GRM3: variants seen among roughly 807,000 people sequenced by gnomAD.
GRM3 encodes the protein glutamate metabotropic receptor 3.
GRM3 carries 26 observed loss-of-function variants against 70.5 expected under a neutral mutation model. The observed-to-expected ratio is 0.37, with a 90% CI of 0.27 to 0.51. The LOEUF is 0.51. Ranked by LOEUF, GRM3 falls within the 20% of genes least tolerant of loss-of-function variation. GRM3 has a pLI of 0.93. For synonymous variants in GRM3, 443 were observed against 434.9 expected, an observed-to-expected ratio of 1.02 and a Z score of -0.23; for missense variants, 859 against 1,123.8, an observed-to-expected ratio of 0.76 and a Z score of 3.37.
At chr7:86,730,962 C>G (rs929128166) in intron 1 of GRM3, among the ~76,000 whole-genome samples, 1 of 152,064 alleles carries the variant, frequency 6.6e-6, no homozygotes, top group Non-Finnish European at 1.5e-5. Flanking sequence ...TTGAATGTCC[C>G]TGCTCTGTCT....
intron 4 of GRM3, among the ~76,000 whole-genome samples, chr7:86,847,834 G>T (rs1798684154): frequency 6.6e-6 from 1 of 152,176 alleles, no homozygotes; most frequent in Admixed American, 6.5e-5. Flanking sequence ...GAAGGAACTG[G>T]ATAACTGAAA....
chr7:86,700,849 T>C (rs1057309265), intron 1 of GRM3, among the ~76,000 whole-genome samples: 2 of 151,982 alleles, frequency 1.3e-5, no homozygotes, highest in Non-Finnish European at 2.9e-5. Flanking sequence ...TGTTCTGAGA[T>C]AGACTTATAA....
intron 1 of GRM3, among the ~76,000 whole-genome samples, chr7:86,697,541 CT>C (rs1025218384): frequency 8.6e-5 from 13 of 151,890 alleles, no homozygotes; most frequent in South Asian, 6.2e-4. Flanking sequence ...GAAATTTTTG[CT>C]TTTTTTCCCC....
In GRM3 at chr7:86,857,118, T is replaced by C. The variant is rs545910354; in HGVS notation, c.2566+6574T>C. ...TTCTGACAATGAGAATGTTAGCATC[T>C]GCAAATTCAATGGTTTTTTTTTTTT... On this transcript the variant is annotated intron_variant, in intron 5 of 5. Transcript: ENST00000361669. 1.4e-3 allele frequency among the ~76,000 whole-genome samples: 216 copies of C among 150,614 alleles called. 3 individuals carry two copies. The highest frequency in any genetic ancestry group is 3.9e-3 in the Admixed American group (59 of 15,190).
rs75224859 is a variant in GRM3, at chr7:86,656,359, C to T, written c.-141+11487C>T. Among the ~76,000 whole-genome samples, 1,346 of 148,890 alleles carry T rather than the reference C, an allele frequency of 9.0e-3. 10 individuals are homozygous for T. The highest frequency in any genetic ancestry group is 0.014 in the Non-Finnish European group (969 of 67,646). ...CAGCTCAGTGCTGCAACCTCTGCCT[C>T]CCGGGTTCAAGCAATTCTCATGGCT... On this transcript the variant is annotated intron_variant, in intron 1 of 5. Coordinates refer to ENST00000361669, the MANE Select transcript of GRM3 (RefSeq NM_000840.3).
chr7:86,676,774 A>G (rs1794318078), intron 1 of GRM3, among the ~76,000 whole-genome samples: 1 of 152,032 alleles, frequency 6.6e-6, no homozygotes, highest in Non-Finnish European at 1.5e-5. Flanking sequence ...TGCAGGCCAT[A>G]TATGTAGATG....
chr7:86,829,458 C>G (rs373580768), intron 3 of GRM3, among the ~76,000 whole-genome samples: 1 of 152,190 alleles, frequency 6.6e-6, no homozygotes. Context: ...TTGAGCTTAT[C>G]TCAGCTTTCA....
intron 3 of GRM3, among the ~76,000 whole-genome samples, chr7:86,809,709 G>A (rs1797870957): frequency 6.6e-6 from 1 of 151,962 alleles, no homozygotes; most frequent in African/African-American, 2.4e-5. Context: ...AAAGTTTGTT[G>A]AGGAGACTAC....
chr7:86,715,822 T>A (rs1247970141), intron 1 of GRM3, among the ~76,000 whole-genome samples: 1 of 152,004 alleles, frequency 6.6e-6, no homozygotes, highest in Non-Finnish European at 1.5e-5. Flanking sequence ...AAGAGAAAAT[T>A]TCTATCTGTC....
chr7:86,851,297 A>C (rs1470995802), intron 5 of GRM3, among the ~76,000 whole-genome samples: 2 of 152,172 alleles, frequency 1.3e-5, no homozygotes, highest in Non-Finnish European at 2.9e-5. Flanking sequence ...GATAGTTCCC[A>C]GTCCCTAATT....
At chr7:86,751,922 C>G (rs1465883811) in intron 1 of GRM3, among the ~76,000 whole-genome samples, 1 of 152,048 alleles carries the variant, frequency 6.6e-6, no homozygotes, top group Non-Finnish European at 1.5e-5. Context: ...ACTCCTGTGA[C>G]CTATTTGTTA....
At chr7:86,674,595 A>C (rs1193041393) in intron 1 of GRM3, among the ~76,000 whole-genome samples, 1 of 152,166 alleles carries the variant, frequency 6.6e-6, no homozygotes. Context: ...TTAAAGCTAT[A>C]AATCTATTAA....
intron 2 of GRM3, among the ~76,000 whole-genome samples, chr7:86,777,671 CCAAAA>C (rs1193092523): frequency 6.6e-6 from 1 of 152,160 alleles, no homozygotes; most frequent in Non-Finnish European, 1.5e-5. Flanking sequence ...GGTAATGTGG[CCAAAA>C]CAAAACAAAA....
At position 86,864,347 on chromosome 7, in the gene GRM3, T is replaced by A; in HGVS notation, c.2632T>A (p.Ser878Thr). The change falls in exon 6 of 6, where the codon TCT becomes ACT. Residue 878 changes from serine (S) to threonine (T), a missense_variant. Transcript: ENST00000361669. ...GGAAGTCCTCGACTCCACCACCTCATCTCTGTGATTGTGAATTGCAGTTCA... is the reference window on the plus strand; with the variant it reads ...GGAAGTCCTCGACTCCACCACCTCAACTCTGTGATTGTGAATTGCAGTTCA... ...GREVLDSTTSSL is the reference protein window; with the variant it reads ...GREVLDSTTSTL 1 of 1,610,250 alleles carries A rather than the reference T, an allele frequency of 6.2e-7. No individual in the cohort carries two copies. Among genetic ancestry groups the A allele is most frequent in the Non-Finnish European group, 8.5e-7 (1 of 1,176,600 alleles).
At chr7:86,850,693 G>A (rs961915409) in intron 5 of GRM3, 149 bp downstream of exon 5, 3 of 646,816 alleles carry the variant, frequency 4.6e-6, no homozygotes, top group Admixed American at 5.0e-5. Flanking sequence ...GTCAGGTATT[G>A]TGCTAAGTGC....
intron 3 of GRM3, among the ~76,000 whole-genome samples, chr7:86,824,093 C>T (rs1187675401): frequency 2.0e-5 from 3 of 152,134 alleles, no homozygotes; most frequent in Non-Finnish European, 2.9e-5. Context: ...AAGCTAGTTC[C>T]TCTGTCAGTC....
rs566482237 is a variant in GRM3, at chr7:86,720,178, A to T, written c.-140-44828A>T. Among the ~76,000 whole-genome samples, 64 of 152,144 alleles carry T rather than the reference A, an allele frequency of 4.2e-4. No individual in the cohort carries two copies. In the South Asian group the frequency reaches 0.013, roughly 31 times the overall value. On this transcript the variant is annotated intron_variant, in intron 1 of 5. Coordinates refer to ENST00000361669, the MANE Select transcript of GRM3 (RefSeq NM_000840.3). ...TAAAGTCAAATAAGTCAGAAAACAG[A>T]TCAGACCTTGGTAATTGAATGTGAG...
At chr7:86,656,901 C>T (rs188584547) in intron 1 of GRM3, among the ~76,000 whole-genome samples, 47 of 152,218 alleles carry the variant, frequency 3.1e-4, no homozygotes, top group African/African-American at 1.1e-3. Context: ...CTAGAATTAG[C>T]TCCCAACGAA....
At chr7:86,758,936 A>G (rs1219386200) in intron 1 of GRM3, among the ~76,000 whole-genome samples, 2 of 151,982 alleles carry the variant, frequency 1.3e-5, no homozygotes, top group Non-Finnish European at 2.9e-5. Flanking sequence ...TTTTCATTTT[A>G]TCTATTAATA....
Sources: allele counts gnomAD v4.1 joint callset (sites outside exome capture counted in the v4.1 genomes callset), GRCh38; gene constraint gnomAD v4.1.1; transcripts MANE v1.5; gene names NCBI Gene and HGNC (gene_info 2026-07-23, HGNC 2026-07-21).